The following FHIT variants were observed in gnomAD, a reference collection of about 807,000 sequenced individuals.
FHIT encodes the protein fragile histidine triad diadenosine triphosphatase.
FHIT carries 19 observed loss-of-function variants against 17.9 expected under a neutral mutation model. That is an observed-to-expected ratio of 1.06 (90% CI 0.74 to 1.56). The LOEUF (loss-of-function observed/expected upper bound fraction) is 1.56, where lower values mean the gene tolerates loss of function less well. FHIT is among the 40% of genes most tolerant of loss of function. The pLI is 0.00. For missense variants in FHIT, 248 were observed against 189.2 expected, an observed-to-expected ratio of 1.31 and a Z score of -1.82; for synonymous variants, 81 against 69.7, an observed-to-expected ratio of 1.16 and a Z score of -0.81.
intron 4 of FHIT, among the ~76,000 whole-genome samples, chr3:60,744,635 A>G (rs1309851919): frequency 1.3e-5 from 2 of 152,184 alleles, no homozygotes; most frequent in Non-Finnish European, 2.9e-5. Flanking sequence ...CTGCATTTTG[A>G]ACAGTTGTTA....
chr3:60,911,667 A>T (rs1706753407), intron 3 of FHIT, among the ~76,000 whole-genome samples: 1 of 152,164 alleles, frequency 6.6e-6, no homozygotes, highest in South Asian at 2.1e-4. Flanking sequence ...AAGTGAAGAG[A>T]TGTCCTGGCA....
At chr3:60,058,116 G>A (rs1037863690) in intron 5 of FHIT, among the ~76,000 whole-genome samples, 3 of 142,408 alleles carry the variant, frequency 2.1e-5, no homozygotes. Context: ...ATTGTATAAT[G>A]AGTACAGAGT....
intron 4 of FHIT, among the ~76,000 whole-genome samples, chr3:60,538,872 T>C (rs530642212): frequency 1.4e-4 from 22 of 152,178 alleles, no homozygotes; most frequent in African/African-American, 4.6e-4. Flanking sequence ...ATTCAGGACA[T>C]AGGCATGGGC....
intron 3 of FHIT, among the ~76,000 whole-genome samples, chr3:60,937,732 T>G (rs1354466882): frequency 6.6e-6 from 1 of 151,844 alleles, no homozygotes; most frequent in Non-Finnish European, 1.5e-5. Context: ...CCCAGCTAAT[T>G]TTTGTATTTT....
At chr3:59,879,631 C>T (rs73100637) in intron 8 of FHIT, among the ~76,000 whole-genome samples, 3,322 of 152,208 alleles carry the variant, frequency 0.022, 45 homozygotes, top group South Asian at 0.063. Flanking sequence ...CCAAACAAAA[C>T]ACAAATGACC....
rs931060836 is a variant in FHIT at position 61,214,116 on chromosome 3, C to T, written c.-212-13451G>A. 3.6e-4 allele frequency among the ~76,000 whole-genome samples: 54 copies of T among 151,760 alleles called. 1 individual carries two copies. The highest frequency in any genetic ancestry group is 4.4e-4 in the Non-Finnish European group (30 of 67,776). On this transcript the variant is annotated intron_variant, in intron 1 of 9. Transcript: ENST00000492590. ...CAAGAACTAGAAAAGCAAGAGCAAACGCATTCAAAAGCTAGCAAAAGGCAA... is the reference window on the plus strand; with the variant it reads ...CAAGAACTAGAAAAGCAAGAGCAAATGCATTCAAAAGCTAGCAAAAGGCAA...
chr3:60,676,258 C>G (rs1716718), intron 4 of FHIT, among the ~76,000 whole-genome samples: 140,309 of 152,246 alleles, frequency 0.92, 64,713 homozygotes, highest in Non-Finnish European at 0.94. Flanking sequence ...CTGCATATTA[C>G]ATCACAATTT....
At chr3:60,732,315 T>C in intron 4 of FHIT, 1 of 939,954 alleles carries the variant, frequency 1.1e-6, no homozygotes, top group Non-Finnish European at 1.7e-6. Flanking sequence ...CTGGGAACCA[T>C]TTGTGTTGGG....
At chr3:60,691,750 T>C (rs2040996918) in intron 4 of FHIT, among the ~76,000 whole-genome samples, 1 of 152,198 alleles carries the variant, frequency 6.6e-6, no homozygotes, top group Non-Finnish European at 1.5e-5. Flanking sequence ...CTTTACAATA[T>C]TTTCTTGACT....
At chr3:59,808,252 G>A (rs1700279935) in intron 8 of FHIT, among the ~76,000 whole-genome samples, 1 of 152,172 alleles carries the variant, frequency 6.6e-6, no homozygotes, top group Non-Finnish European at 1.5e-5. Flanking sequence ...TGAAGAGTGT[G>A]GTTTGAAAGG....
intron 5 of FHIT, among the ~76,000 whole-genome samples, chr3:60,105,134 T>C (rs1266265293): frequency 6.6e-6 from 1 of 152,178 alleles, no homozygotes; most frequent in African/African-American, 2.4e-5. Context: ...CCAACCAATG[T>C]TGAGGTTATT....
chr3:61,061,722 C>T (rs2106699980), intron 2 of FHIT, among the ~76,000 whole-genome samples: 1 of 152,166 alleles, frequency 6.6e-6, no homozygotes, highest in East Asian at 1.9e-4. Context: ...AATATTGTAA[C>T]TCCCTACGTT....
intron 5 of FHIT, among the ~76,000 whole-genome samples, chr3:60,162,463 T>C (rs1199070842): frequency 1.3e-5 from 2 of 152,188 alleles, no homozygotes; most frequent in African/African-American, 4.8e-5. Flanking sequence ...AATGAGATCG[T>C]GCAGTCCAGC....
chr3:60,590,703 A>T (rs2107694659), intron 4 of FHIT, among the ~76,000 whole-genome samples: 1 of 152,292 alleles, frequency 6.6e-6, no homozygotes, highest in Admixed American at 6.5e-5. Flanking sequence ...CTAGAAAAAT[A>T]CATTAATTCA....
intron 5 of FHIT, among the ~76,000 whole-genome samples, chr3:60,465,371 C>T (rs72878731): frequency 2.4e-4 from 36 of 152,108 alleles, no homozygotes; most frequent in African/African-American, 8.2e-4. Context: ...GTTTACTTTG[C>T]TATGCAGAAG....
At chr3:60,565,496 C>T (rs1321708576) in intron 4 of FHIT, among the ~76,000 whole-genome samples, 2 of 152,110 alleles carry the variant, frequency 1.3e-5, no homozygotes, top group Non-Finnish European at 2.9e-5. Context: ...CTAATAGATG[C>T]CTGTTATTCC....
At chr3:59,858,236 CTTTTTTT>C (rs563841299) in intron 8 of FHIT, among the ~76,000 whole-genome samples, 3,197 of 84,636 alleles carry the variant, frequency 0.038, 137 homozygotes, top group African/African-American at 0.16. Flanking sequence ...TTCCCACCTT[CTTTTTTT>C]TTTTTTTTTT....
At chr3:60,322,652 T>G (rs982040490) in intron 5 of FHIT, among the ~76,000 whole-genome samples, 1 of 152,214 alleles carries the variant, frequency 6.6e-6, no homozygotes. Flanking sequence ...CCACCTTTCT[T>G]TGAAACCTGC....
At chr3:60,862,026 G>C (rs1553752769) in intron 3 of FHIT, among the ~76,000 whole-genome samples, 1 of 151,780 alleles carries the variant, frequency 6.6e-6, no homozygotes, top group Non-Finnish European at 1.5e-5. Flanking sequence ...CAAATATCTG[G>C]GTCTAGGAAT....
Sources: gnomAD v4.1 joint callset for allele counts (sites outside exome capture counted in the v4.1 genomes callset) on GRCh38, gnomAD v4.1.1 for gene constraint, MANE v1.5 for transcripts, NCBI Gene and HGNC (gene_info 2026-07-23, HGNC 2026-07-21) for gene names.